Variants in SHANK2 observed in about 807,000 individuals in gnomAD.
SHANK2 encodes the protein SH3 and multiple ankyrin repeat domains protein 2.
In SHANK2, 43 loss-of-function variants were observed where a neutral mutation model predicts 133.7. That is an observed-to-expected ratio of 0.32 (90% CI 0.25 to 0.41). The LOEUF is 0.41. SHANK2 is among the 10% of genes least tolerant of loss of function. The pLI is 1.00. For missense variants in SHANK2, 1,994 were observed against 2,235.8 expected (o/e 0.89, Z 2.18); for synonymous variants, 1,017 against 952.8 (o/e 1.07, Z -1.24).
chr11:70,863,896 C>T (rs1555068465), intron 11 of SHANK2: 1 of 456,642 alleles, frequency 2.2e-6, no homozygotes, highest in Non-Finnish European at 4.4e-6. Context: ...GAAACCAGCC[C>T]TGGGACACCC....
chr11:70,544,916 G>A (rs1180889033), intron 17 of SHANK2, among the ~76,000 whole-genome samples: 3 of 152,208 alleles, frequency 2.0e-5, no homozygotes, highest in Admixed American at 6.5e-5. Flanking sequence ...CAAGGACACC[G>A]TCGCGGGACC....
rs782738284 is a variant in SHANK2 at position 70,485,958 on chromosome 11, G to A, written c.4335C>T (p.Thr1445=). ...SDLVKQKKSD[T]PQSPSLNSSQ... ...TGGAGTTCAACGAAGGGGACTGAGG[G>A]GTGTCGCTTTTCTTCTGCTTCACTA... is the stretch of plus-strand genomic sequence containing the variant. Residue 1445 remains threonine (T), a synonymous_variant, in exon 25 of 26, where the codon ACC becomes ACT. Transcript: ENST00000601538. The surrounding 1 kb of genome is among the most constrained non-coding windows in gnomAD (Gnocchi z 5.8). The A allele has an allele frequency of 3.7e-6, 6 of 1,614,014 alleles. No individual in the cohort carries two copies. The highest frequency in any genetic ancestry group is 3.3e-5 in the South Asian group (3 of 91,084).
chr11:70,485,539 G>C lies in SHANK2; in HGVS notation c.4754C>G (p.Pro1585Arg), dbSNP rs554224518. 1.2e-6 allele frequency: 2 copies of C among 1,612,868 alleles called. No homozygotes were observed. Among genetic ancestry groups the C allele is most frequent in the Non-Finnish European group, 1.7e-6 (2 of 1,179,994 alleles). ...FVIPPPAPPP[P>R]PGSAQPGMAK... ...CATCCCAGGCTGGGCACTGCCCGGC[G>C]GGGGCGGGGGAGCGGGCGGGGGGAT... Residue 1585 changes from proline (P) to arginine (R), a missense_variant, in exon 25 of 26, where the codon CCG (proline) becomes CGG (arginine). Pro to Arg is a moderately radical substitution (Grantham distance 103, BLOSUM62 -2). Transcript: ENST00000601538. The surrounding 1 kb of genome is among the most constrained non-coding windows in gnomAD (Gnocchi z 5.8).
chr11:70,954,647 G>T (rs139831745), intron 10 of SHANK2, among the ~76,000 whole-genome samples: 1 of 152,192 alleles, frequency 6.6e-6, no homozygotes, highest in African/African-American at 2.4e-5. Flanking sequence ...CGCCTTGCCC[G>T]GGATCCTTGA....
intron 14 of SHANK2, among the ~76,000 whole-genome samples, chr11:70,754,218 T>G (rs554261087): frequency 1.7e-4 from 26 of 152,294 alleles, no homozygotes; most frequent in Admixed American, 9.2e-4. Flanking sequence ...TCTACACAAT[T>G]CCTCCCAGAA....
Position 70,787,329 on chromosome 11 carries a change from C to T in SHANK2, c.1777+11114G>A, listed in dbSNP as rs539366008. ...ATCACCACCATCATCACCATGACCA[C>T]CATGACCACCACCACCACCAGCATC... On this transcript the variant is annotated intron_variant, in intron 14 of 25. Transcript: ENST00000601538. Among the ~76,000 whole-genome samples, 42 of 148,464 alleles carry T rather than the reference C, an allele frequency of 2.8e-4. 1 individual carries two copies. Among genetic ancestry groups the T allele is most frequent in the African/African-American group, 1.0e-3 (41 of 40,256 alleles).
intron 25 of SHANK2, among the ~76,000 whole-genome samples, chr11:70,476,053 C>T (rs573609725): frequency 5.9e-5 from 9 of 151,752 alleles, no homozygotes; most frequent in Admixed American, 2.0e-4. Flanking sequence ...GAAACCCCAT[C>T]TCTACTAAAA....
At chr11:70,509,236 T>G (rs1490400609) in intron 17 of SHANK2, among the ~76,000 whole-genome samples, 1 of 152,244 alleles carries the variant, frequency 6.6e-6, no homozygotes, top group Non-Finnish European at 1.5e-5. Context: ...CATCTCTGTC[T>G]GCTGCCCACT....
intron 10 of SHANK2, among the ~76,000 whole-genome samples, chr11:70,945,462 T>A (rs536592839): frequency 6.6e-6 from 1 of 152,272 alleles, no homozygotes; most frequent in South Asian, 2.1e-4. Flanking sequence ...AGGCCTCCAA[T>A]ACGCTGAGCT....
intron 14 of SHANK2, among the ~76,000 whole-genome samples, chr11:70,756,633 T>C (rs900269745): frequency 2.6e-5 from 4 of 152,208 alleles, no homozygotes; most frequent in Non-Finnish European, 5.9e-5. Context: ...TACTGGACCC[T>C]GCTTTCTGCC....
intron 17 of SHANK2, among the ~76,000 whole-genome samples, chr11:70,510,796 A>T (rs983161463): frequency 6.6e-6 from 1 of 152,182 alleles, no homozygotes; most frequent in Non-Finnish European, 1.5e-5. Flanking sequence ...GGTGGAGCCC[A>T]TGCTCCCAGC....
chr11:70,737,711 C>T (rs1946434230), intron 14 of SHANK2, among the ~76,000 whole-genome samples: 1 of 152,224 alleles, frequency 6.6e-6, no homozygotes, highest in African/African-American at 2.4e-5. Flanking sequence ...GCCTCAGCCC[C>T]ATCTGGAATG....
intron 15 of SHANK2, among the ~76,000 whole-genome samples, chr11:70,670,983 G>C (rs1191092604): frequency 6.6e-6 from 1 of 152,192 alleles, no homozygotes; most frequent in Non-Finnish European, 1.5e-5. Flanking sequence ...TCTCAAATCG[G>C]CAATTATGAA....
At chr11:70,818,015 G>A (rs2135331415) in intron 12 of SHANK2, among the ~76,000 whole-genome samples, 1 of 152,320 alleles carries the variant, frequency 6.6e-6, no homozygotes, top group South Asian at 2.1e-4. Flanking sequence ...GATTACAGGT[G>A]TGAGCTACCG....
Position 70,711,052 on chromosome 11 carries a change from T to G in SHANK2, c.1778-12289A>C, listed in dbSNP as rs567797113. On this transcript the variant is annotated intron_variant, in intron 14 of 25. Transcript: ENST00000601538. The stretch of plus-strand genomic sequence containing the variant: ...GGGTGAAGGGAATTCCCAGAACATC[T>G]TCCCTTCTTCCCTCCCTTGAAATCC... Among the ~76,000 whole-genome samples, 49 of 152,308 alleles carry G rather than the reference T, an allele frequency of 3.2e-4. 1 individual carries two copies. The highest frequency in any genetic ancestry group is 1.1e-3 in the African/African-American group (47 of 41,578).
Position 70,472,228 on chromosome 11 carries a change from C to T in SHANK2, c.*641G>A, listed in dbSNP as rs191095706. 3 of 154,052 alleles carry T rather than the reference C, an allele frequency of 1.9e-5. No homozygotes were observed. Among genetic ancestry groups the T allele is most frequent in the African/African-American group, 7.2e-5 (3 of 41,602 alleles). 9.5% of individuals were successfully genotyped at this position (154,052 alleles called of 1,614,324 possible). A position where few individuals can be genotyped will look rare whatever the true frequency, so the allele number is the denominator to read the frequency against. On this transcript the variant is annotated 3_prime_UTR_variant, in exon 26 of 26. Coordinates refer to ENST00000601538, the MANE Select transcript of SHANK2 (RefSeq NM_012309.5). The surrounding 1 kb of genome is among the most constrained non-coding windows in gnomAD (Gnocchi z 4.4). ...CCAAACTCCCAGCACTGCCAGGAAC[C>T]TCATGGCCAAAGAGCCATGGATGCA...
At chr11:70,707,979 G>T (rs1555025322) in intron 14 of SHANK2, among the ~76,000 whole-genome samples, 1 of 152,196 alleles carries the variant, frequency 6.6e-6, no homozygotes, top group East Asian at 1.9e-4. Context: ...GATGTGGACA[G>T]TCTGCTCCCG....
chr11:70,687,729 A>T (rs1945187209), intron 15 of SHANK2, among the ~76,000 whole-genome samples: 1 of 152,164 alleles, frequency 6.6e-6, no homozygotes. Flanking sequence ...GAGACAGAAG[A>T]TTCCTGCGCA....
intron 2 of SHANK2, among the ~76,000 whole-genome samples, chr11:71,151,171 G>T (rs1330898813): frequency 2.0e-5 from 3 of 152,198 alleles, no homozygotes; most frequent in Admixed American, 2.0e-4. Flanking sequence ...TCAGCCCTGG[G>T]CCCTGGCAGC....
Sources: gnomAD v4.1 joint callset for allele counts (sites outside exome capture counted in the v4.1 genomes callset) on GRCh38, gnomAD v4.1.1 for gene constraint, Gnocchi (gnomAD v3.1) non-coding constraint, MANE v1.5 for transcripts, NCBI Gene and HGNC (gene_info 2026-07-23, HGNC 2026-07-21) for gene names.